The following SLC15A2 variants were observed in gnomAD, a reference collection of about 807,000 sequenced individuals.
SLC15A2 encodes the protein kidney H(+)/peptide cotransporter.
A neutral mutation model predicts 95.5 loss-of-function variants in SLC15A2; 77 were observed. That is an observed-to-expected ratio of 0.81 (90% CI 0.67 to 0.97). The LOEUF (loss-of-function observed/expected upper bound fraction) is 0.97, where lower values mean the gene tolerates loss of function less well. Ranked by LOEUF, SLC15A2 falls within the 50% of genes least tolerant of loss-of-function variation. The pLI is 0.00. For missense variants in SLC15A2, 893 were observed against 874.4 expected (o/e 1.02, Z -0.27); for synonymous variants, 306 against 306.9 (o/e 1.00, Z 0.03).
At position 121,924,953 on chromosome 3, in the gene SLC15A2, T is replaced by A; in HGVS notation, c.1044T>A (p.Asn348Lys). The stretch of plus-strand genomic sequence containing the variant: ...TTATCATGGTGTTACAGGTTCTAAA[T>A]CCCCTTCTGGTTCTTATCTTCATCC... ...VLQPDQMQVL[N>K]PLLVLIFIPL... Residue 348 changes from asparagine to lysine, a missense_variant, in exon 13 of 22, where the codon AAT becomes AAA. Transcript: ENST00000489711. 1 of 1,609,440 alleles carries A rather than the reference T, an allele frequency of 6.2e-7. No individual in the cohort carries two copies. The highest frequency in any genetic ancestry group is 8.5e-7 in the Non-Finnish European group (1 of 1,175,734).
chr3:121,936,710 CTT>C (rs1340309826), intron 19 of SLC15A2, among the ~76,000 whole-genome samples: 2 of 150,678 alleles, frequency 1.3e-5, no homozygotes, highest in Admixed American at 6.6e-5. Flanking sequence ...GGTCTTGACT[CTT>C]TATCCAATTT....
chr3:121,936,161 T>C (rs1710342115), intron 19 of SLC15A2, among the ~76,000 whole-genome samples: 1 of 152,230 alleles, frequency 6.6e-6, no homozygotes, highest in South Asian at 2.1e-4. Context: ...CTTTTACATT[T>C]GCCGAGGAGA....
chr3:121,901,939 AC>A (rs1392640076), intron 3 of SLC15A2, among the ~76,000 whole-genome samples: 7 of 152,120 alleles, frequency 4.6e-5, no homozygotes, highest in Non-Finnish European at 7.3e-5. Context: ...GATTGTTCAA[AC>A]CCTGAAGGGG....
rs1290680068 is a variant in SLC15A2 at position 121,932,179 on chromosome 3, C to A, written c.1761+444C>A. 3.9e-5 allele frequency among the ~76,000 whole-genome samples: 6 copies of A among 152,182 alleles called. No individual in the cohort carries two copies. The East Asian group carries it at 1.2e-3, about 29-fold the overall frequency. ...TCAGCCTCCCAAAGTGTTGAGATTA[C>A]AAGCGTGAGTCACCGCACCTGGCTC... On this transcript the variant is annotated intron_variant, in intron 19 of 21. Transcript: ENST00000489711.
chr3:121,931,864 A>C, intron 19 of SLC15A2, 129 bp downstream of exon 19: 1 of 609,098 alleles, frequency 1.6e-6, no homozygotes, highest in Non-Finnish European at 2.9e-6. Flanking sequence ...TATTTCTAGC[A>C]TAAGATGACA....
chr3:121,932,989 C>A (rs551390652), intron 19 of SLC15A2, among the ~76,000 whole-genome samples: 7 of 151,678 alleles, frequency 4.6e-5, no homozygotes, highest in Admixed American at 3.9e-4. Context: ...TCAATTCCCA[C>A]CTATGAGTGA....
intron 8 of SLC15A2, 97 bp from the exon 9 acceptor site, chr3:121,922,678 C>T (rs1710029379): frequency 1.3e-6 from 1 of 747,938 alleles, no homozygotes; most frequent in Non-Finnish European, 2.2e-6. Context: ...GAATAAGTCA[C>T]TAGAAGTATG....
In SLC15A2 at chr3:121,928,544, A is replaced by T; in HGVS notation, c.1330A>T (p.Lys444Ter). 6.2e-7 allele frequency: 1 copy of T among 1,614,096 alleles called. No homozygotes were observed. The highest frequency in any genetic ancestry group is 8.5e-7 in the Non-Finnish European group (1 of 1,179,944). ...CAATTCTCTGTTGATAGAGTCCATCAAATCCTTTCAGGTGAGGTGTGTACC... is the reference window on the plus strand; with the variant it reads ...CAATTCTCTGTTGATAGAGTCCATCTAATCCTTTCAGGTGAGGTGTGTACC... ...ENNSLLIESIKSFQKTPHYSK... is the reference protein window; with the variant it reads ...ENNSLLIESI The change falls in exon 15 of 22, where the codon AAA (lysine) becomes TAA (stop). Residue 444 changes from lysine to a stop codon, truncating the protein, a stop_gained. Transcript: ENST00000489711. LOFTEE classifies it high-confidence loss of function.
intron 13 of SLC15A2, among the ~76,000 whole-genome samples, chr3:121,925,670 C>CA (rs201119071): frequency 0.052 from 3,671 of 70,522 alleles, 306 homozygotes; most frequent in African/African-American, 0.13. Flanking sequence ...ATAAATCAAG[C>CA]AAAAAAAAAA....
chr3:121,934,840 C>A (rs997946926), intron 19 of SLC15A2, among the ~76,000 whole-genome samples: 2 of 151,846 alleles, frequency 1.3e-5, no homozygotes, highest in African/African-American at 2.4e-5. Flanking sequence ...CTGTCTTGTG[C>A]CAGTTTTCAA....
At chr3:121,910,961 CTTG>C (rs1164916120) in intron 3 of SLC15A2, among the ~76,000 whole-genome samples, 4 of 152,278 alleles carry the variant, frequency 2.6e-5, no homozygotes, top group African/African-American at 9.6e-5. Context: ...CTTTCTTACC[CTTG>C]TTAACTTGTC....
chr3:121,900,756 G>A (rs1056823510), intron 3 of SLC15A2, among the ~76,000 whole-genome samples: 1 of 151,838 alleles, frequency 6.6e-6, no homozygotes, highest in African/African-American at 2.4e-5. Context: ...CCTATGCTAT[G>A]GAGTATTCTC....
Position 121,925,670 on chromosome 3 carries a change from C to CAA in SLC15A2, c.1124+647_1124+648dup, listed in dbSNP as rs201119071. ...AAGTGTCATGAAAATATAAATCAAG[C>CAA]AAAAAAAAAAACAACATTTCCCTCA... On this transcript the variant is annotated intron_variant, in intron 13 of 21. Transcript: ENST00000489711. 3.1e-3 allele frequency among the ~76,000 whole-genome samples: 218 copies of CAA among 70,550 alleles called. 10 individuals carry two copies. The highest frequency in any genetic ancestry group is 0.01 in the African/African-American group (198 of 19,730). 46.3% of individuals were successfully genotyped at this position (70,550 alleles called of 152,430 possible). A position where few individuals can be genotyped will look rare whatever the true frequency, so the allele number is the denominator to read the frequency against.
chr3:121,914,114 T>C (rs934595930), intron 5 of SLC15A2, among the ~76,000 whole-genome samples: 4 of 152,236 alleles, frequency 2.6e-5, no homozygotes, highest in African/African-American at 9.6e-5. Flanking sequence ...AAAGAGTCCA[T>C]AGATCATAAT....
chr3:121,943,395 G>T lies in SLC15A2; in HGVS notation c.*2388G>T, dbSNP rs1433811847. 1 of 152,034 alleles carries T rather than the reference G, an allele frequency of 6.6e-6. No individual in the cohort carries two copies. Among genetic ancestry groups the T allele is most frequent in the Non-Finnish European group, 1.5e-5 (1 of 68,012 alleles). 9.4% of individuals were successfully genotyped at this position (152,034 alleles called of 1,614,324 possible). Reference sequence around the variant, plus strand: ...GGTAAAGATTCTCGGTTCCTGTAATGGTTCCTCACCAGGCATAATTTGTCC... The same window carrying T: ...GGTAAAGATTCTCGGTTCCTGTAATTGTTCCTCACCAGGCATAATTTGTCC... On this transcript the variant is annotated 3_prime_UTR_variant, in exon 22 of 22. Coordinates refer to ENST00000489711, the MANE Select transcript of SLC15A2 (RefSeq NM_021082.4).
At chr3:121,900,470 A>G (rs1263491586) in intron 3 of SLC15A2, among the ~76,000 whole-genome samples, 1 of 152,124 alleles carries the variant, frequency 6.6e-6, no homozygotes. Context: ...AATTTTCCTA[A>G]AAGAAATCCT....
At chr3:121,934,218 T>C (rs1324719144) in intron 19 of SLC15A2, among the ~76,000 whole-genome samples, 1 of 152,240 alleles carries the variant, frequency 6.6e-6, no homozygotes, top group African/African-American at 2.4e-5. Context: ...CTTTGTTCTT[T>C]TGGCTTAGGA....
Position 121,927,801 on chromosome 3 carries a change from G to A in SLC15A2, c.1168G>A (p.Ala390Thr). The change falls in exon 14 of 22, where the codon GCA becomes ACA. Residue 390 changes from alanine to threonine, a missense_variant. Ala to Thr is a moderately conservative substitution (Grantham distance 58). Coordinates refer to ENST00000489711, the MANE Select transcript of SLC15A2 (RefSeq NM_021082.4). ...TGTTGGTATGATCCTAGCATGCCTG[G>A]CATTTGCAGTTGCGGCAGCTGTAGA... is the stretch of plus-strand genomic sequence containing the variant. ...MAVGMILACL[A>T]FAVAAAVEIK... is the part of the protein sequence containing the mutation. 1 of 1,613,930 alleles carries A rather than the reference G, an allele frequency of 6.2e-7. No homozygotes were observed. The highest frequency in any genetic ancestry group is 8.5e-7 in the Non-Finnish European group (1 of 1,179,850).
Position 121,944,001 on chromosome 3 carries a change from C to G in SLC15A2, c.*2994C>G. ...GAAAATGTCTATATCTGTTATGTAT[C>G]AATTTTTTAAAAAGTGAATGACATA... On this transcript the variant is annotated 3_prime_UTR_variant, in exon 22 of 22. Coordinates refer to ENST00000489711, the MANE Select transcript of SLC15A2 (RefSeq NM_021082.4). 6.6e-6 allele frequency: 1 copy of G among 152,004 alleles called. No homozygotes were observed. Among genetic ancestry groups the G allele is most frequent in the East Asian group, 1.9e-4 (1 of 5,156 alleles). 9.4% of individuals were successfully genotyped at this position (152,004 alleles called of 1,614,324 possible).
Sources: allele counts gnomAD v4.1 joint callset (sites outside exome capture counted in the v4.1 genomes callset), GRCh38; gene constraint gnomAD v4.1.1; transcripts MANE v1.5; gene names NCBI Gene and HGNC (gene_info 2026-07-23, HGNC 2026-07-21).